GABRA3: variants seen among roughly 807,000 people sequenced by gnomAD.
GABRA3 encodes gamma-aminobutyric acid receptor subunit alpha-3.
GABRA3 carries 10 observed loss-of-function variants against 30.1 expected under a neutral mutation model. The observed-to-expected ratio is 0.33, with a 90% CI of 0.20 to 0.56. The LOEUF (loss-of-function observed/expected upper bound fraction) is 0.56, where lower values mean the gene tolerates loss of function less well. Ranked by LOEUF, GABRA3 falls within the 20% of genes least tolerant of loss-of-function variation. The probability of loss-of-function intolerance (pLI) is 0.89; values close to 1 mark genes in which losing one functional copy is unlikely to be tolerated. For missense variants in GABRA3, 233 were observed against 392.0 expected, an observed-to-expected ratio of 0.59 and a Z score of 3.42; for synonymous variants, 151 against 146.8, an observed-to-expected ratio of 1.03 and a Z score of -0.21.
At chrX:152,326,394 CA>C (rs1474297805) in intron 3 of GABRA3, among the ~76,000 whole-genome samples, 1 of 111,056 alleles carries the variant, frequency 9.0e-6, no homozygotes, top group Non-Finnish European at 1.9e-5. Flanking sequence ...CCCCAAGACA[CA>C]TAATTGACAG....
intron 3 of GABRA3, among the ~76,000 whole-genome samples, chrX:152,298,487 T>C (rs1443573800): frequency 9.2e-6 from 1 of 108,897 alleles, no homozygotes; most frequent in East Asian, 2.9e-4. Flanking sequence ...TGGTTTTTTG[T>C]CCTTGCGATA....
rs550837160 is a variant in GABRA3, at chrX:152,306,438, C to A, written c.263-21703G>T. Among the ~76,000 whole-genome samples the A allele has an allele frequency of 3.1e-4, 35 of 112,174 alleles. No individual in the cohort carries two copies. In the South Asian group the frequency reaches 0.013, roughly 42 times the overall value. The stretch of plus-strand genomic sequence containing the variant: ...TCTTTATAGACAATATAATAGGTAT[C>A]TTTGTACAAATAGTATTCTCAGTTG... On this transcript the variant is annotated intron_variant, in intron 3 of 9. Transcript: ENST00000370314.
chrX:152,341,697 C>T (rs1032605819), intron 3 of GABRA3, among the ~76,000 whole-genome samples: 8 of 102,354 alleles, frequency 7.8e-5, no homozygotes, highest in East Asian at 3.2e-4. Context: ...ACACCACTAC[C>T]CCCCGCTAAT....
chrX:152,328,784 T>C lies in GABRA3; in HGVS notation c.262+16797A>G, dbSNP rs370945042. Reference sequence around the variant, plus strand: ...AACTGGAAGCATTCCCTTTGAAAACTGGCACAAGACAGGGATGCCCTCTCT... The same window carrying C: ...AACTGGAAGCATTCCCTTTGAAAACCGGCACAAGACAGGGATGCCCTCTCT... On this transcript the variant is annotated intron_variant, in intron 3 of 9. Transcript: ENST00000370314. Among the ~76,000 whole-genome samples the C allele has an allele frequency of 9.1e-3, 1,019 of 111,409 alleles. 31 individuals carry two copies. In the East Asian group the frequency reaches 0.12, roughly 13 times the overall value.
At chrX:152,218,466 G>A (rs1438121375) in intron 6 of GABRA3, among the ~76,000 whole-genome samples, 1 of 110,868 alleles carries the variant, frequency 9.0e-6, no homozygotes, top group African/African-American at 3.3e-5. Context: ...ATAGATGTTG[G>A]TTATGTCTAA....
intron 1 of GABRA3, among the ~76,000 whole-genome samples, chrX:152,373,734 C>T (rs954086823): frequency 1.8e-5 from 2 of 110,419 alleles, no homozygotes; most frequent in Admixed American, 9.7e-5. Flanking sequence ...CCCGTTAACT[C>T]GTTATTTACG....
intron 1 of GABRA3, among the ~76,000 whole-genome samples, chrX:152,412,678 A>G (rs1423894578): frequency 9.0e-6 from 1 of 111,135 alleles, no homozygotes; most frequent in Non-Finnish European, 1.9e-5. Context: ...GACAAAATGA[A>G]GATTAGCGTT....
Position 152,284,738 on chromosome X carries a change from G to A in GABRA3, c.263-3C>T, listed in dbSNP as rs752194280. On this transcript the variant is annotated splice_region_variant and splice_polypyrimidine_tract_variant and intron_variant, in intron 3 of 9. Coordinates refer to ENST00000370314, the MANE Select transcript of GABRA3 (RefSeq NM_000808.4). ...AGTCTTCACTTCAGTCACTGCATCTGCGTGAAAGAAAGTAGAAAAGCAGAA... is the reference window on the plus strand; with the variant it reads ...AGTCTTCACTTCAGTCACTGCATCTACGTGAAAGAAAGTAGAAAAGCAGAA... 1 of 1,176,269 alleles carries A rather than the reference G, an allele frequency of 8.5e-7. No individual in the cohort carries two copies. The highest frequency in any genetic ancestry group is 1.8e-5 in the South Asian group (1 of 55,907).
chrX:152,212,831 G>A (rs914770985), intron 6 of GABRA3, among the ~76,000 whole-genome samples: 14 of 111,583 alleles, frequency 1.3e-4, no homozygotes, highest in Non-Finnish European at 2.6e-4. Context: ...ACCCACTGGG[G>A]AGCAGAATTC....
chrX:152,439,828 A>C (rs1344614148), intron 1 of GABRA3, among the ~76,000 whole-genome samples: 1 of 112,238 alleles, frequency 8.9e-6, no homozygotes, highest in Non-Finnish European at 1.9e-5. Context: ...CAGACACAAA[A>C]GACTACATAC....
chrX:152,208,263 G>T, intron 6 of GABRA3, 119 bp from the exon 7 acceptor site: 1 of 745,543 alleles, frequency 1.3e-6, no homozygotes, highest in African/African-American at 2.1e-5. Context: ...CTGGGTATGT[G>T]GTCTGTCTTC....
At chrX:152,343,874 A>C (rs1405128897) in intron 3 of GABRA3, among the ~76,000 whole-genome samples, 1 of 112,302 alleles carries the variant, frequency 8.9e-6, no homozygotes, top group Non-Finnish European at 1.9e-5. Context: ...TATCAATTAA[A>C]AGTACTTGTT....
intron 3 of GABRA3, among the ~76,000 whole-genome samples, chrX:152,315,326 G>A (rs367829020): frequency 1.1e-4 from 12 of 111,389 alleles, no homozygotes; most frequent in African/African-American, 3.9e-4. Flanking sequence ...TACAGGGGTA[G>A]AGGAAGCAGC....
At chrX:152,241,319 GGGTC>G (rs1938363112) in intron 5 of GABRA3, among the ~76,000 whole-genome samples, 2 of 87,718 alleles carry the variant, frequency 2.3e-5, no homozygotes, top group Non-Finnish European at 5.5e-5. Context: ...CAGGGGTCAG[GGGTC>G]AGGGGTCAGG....
At chrX:152,348,433 GATA>G (rs896231059) in intron 2 of GABRA3, among the ~76,000 whole-genome samples, 2 of 111,349 alleles carry the variant, frequency 1.8e-5, no homozygotes, top group African/African-American at 3.3e-5. Flanking sequence ...GATAAAATAT[GATA>G]ATAATAATAA....
intron 1 of GABRA3, among the ~76,000 whole-genome samples, chrX:152,379,447 C>T (rs1252214363): frequency 2.7e-5 from 3 of 110,603 alleles, no homozygotes; most frequent in East Asian, 2.8e-4. Flanking sequence ...TGGCATACAG[C>T]TTACACAGTA....
intron 1 of GABRA3, among the ~76,000 whole-genome samples, chrX:152,367,950 T>C (rs139388910): frequency 7.9e-4 from 89 of 112,174 alleles, no homozygotes; most frequent in Middle Eastern, 4.6e-3. Context: ...ATTAAAGCCA[T>C]TGATCATTAC....
At position 152,256,520 on chromosome X, in the gene GABRA3, T is replaced by G. The variant is rs906188301; in HGVS notation, c.331-522A>C. ...AATGAAATATTATAGATAAATAAGA[T>G]AAAAAACATACCTTATAGACAAATA... On this transcript the variant is annotated intron_variant, in intron 4 of 9. Coordinates refer to ENST00000370314, the MANE Select transcript of GABRA3 (RefSeq NM_000808.4). Among the ~76,000 whole-genome samples, 9 of 111,354 alleles carry G rather than the reference T, an allele frequency of 8.1e-5. 1 individual carries two copies. The highest frequency in any genetic ancestry group is 2.3e-4 in the African/African-American group (7 of 30,587).
intron 6 of GABRA3, among the ~76,000 whole-genome samples, chrX:152,224,252 T>G (rs1212152680): frequency 1.8e-5 from 2 of 112,214 alleles, no homozygotes; most frequent in Non-Finnish European, 3.8e-5. Flanking sequence ...TACTACTTTT[T>G]CTGTAAAATG....
Sources: gnomAD v4.1 joint callset for allele counts (sites outside exome capture counted in the v4.1 genomes callset) on GRCh38, gnomAD v4.1.1 for gene constraint, MANE v1.5 for transcripts, NCBI Gene and HGNC (gene_info 2026-07-23, HGNC 2026-07-21) for gene names.